The following ADRM1 variants were observed in gnomAD, a reference collection of about 807,000 sequenced individuals.
ADRM1 encodes ADRM1 26S proteasome ubiquitin receptor.
ADRM1 carries 2 observed loss-of-function variants against 40.1 expected under a neutral mutation model. The observed-to-expected ratio is 0.05, with a 90% confidence interval of 0.02 to 0.16. The LOEUF (loss-of-function observed/expected upper bound fraction) is 0.16. Ranked by LOEUF, ADRM1 falls within the 10% of genes least tolerant of loss-of-function variation. The pLI, the probability that ADRM1 is intolerant of heterozygous loss-of-function variation, is 1.00. For synonymous variants in ADRM1, 287 were observed against 240.4 expected, an observed-to-expected ratio of 1.19 and a Z score of -1.79; for missense variants, 467 against 552.5, an observed-to-expected ratio of 0.85 and a Z score of 1.55.
chr20:62,306,806 T>TAAAGG, intron 5 of ADRM1, 72 bp downstream of exon 5: 1 of 1,376,756 alleles, frequency 7.3e-7, no homozygotes, highest in Non-Finnish European at 9.9e-7. Flanking sequence ...CTGTTTCCTT[T>TAAAGG]AAACTTCTGC....
chr20:62,306,389 C>T (rs1447089995), intron 4 of ADRM1, 69 bp downstream of exon 4: 1 of 1,606,556 alleles, frequency 6.2e-7, no homozygotes, highest in Non-Finnish European at 8.5e-7. Context: ...GGATGACTCG[C>T]CCCCTCAGCA....
rs762417497 is a variant in ADRM1 at position 62,303,620 on chromosome 20, G to A, written c.52G>A (p.Ala18Thr). 19 of 1,605,832 alleles carry A rather than the reference G, an allele frequency of 1.2e-5. No individual in the cohort carries two copies. Among genetic ancestry groups the A allele is most frequent in the South Asian group, 2.2e-5 (2 of 91,038 alleles). The stretch of plus-strand genomic sequence containing the variant: ...AAGCCTGGTGCCAGGCTCTCGGGGC[G>A]CCTCCAACAAGTACTTGGTGGAGTT... ...FPSLVPGSRG[A>T]SNKYLVEFRA... is the part of the protein sequence containing the mutation. Residue 18 changes from alanine (A) to threonine (T), a missense_variant, in exon 2 of 10, where the codon GCC (alanine) becomes ACC (threonine). This residue lies in a region of ADRM1 where 33 missense variants were observed against 28.8 expected (regional missense o/e 1.15). Transcript: ENST00000253003.
intron 4 of ADRM1, 86 bp downstream of exon 4, chr20:62,306,406 G>A (rs1984969206): frequency 5.0e-6 from 8 of 1,600,258 alleles, no homozygotes; most frequent in Non-Finnish European, 5.1e-6. Context: ...AGCACAGGTT[G>A]TTTGGAAGTG....
Position 62,306,258 on chromosome 20 carries a change from C to A in ADRM1, c.392C>A (p.Pro131His). ...AAAGTCAACGAGTATCTGAACAACC[C>A]CCCGATGCCTGGGGCGCTGGGGGCC... ...CRKVNEYLNN[P>H]PMPGALGASG... Residue 131 changes from proline to histidine, a missense_variant, in exon 4 of 10, where the codon CCC becomes CAC. Physicochemically the swap from Pro to His is moderately conservative, Grantham distance 77. Transcript: ENST00000253003. 6.2e-7 allele frequency: 1 copy of A among 1,613,200 alleles called. No individual in the cohort carries two copies. Among genetic ancestry groups the A allele is most frequent in the Non-Finnish European group, 8.5e-7 (1 of 1,179,920 alleles).
chr20:62,307,384 CCT>C lies in ADRM1; in HGVS notation c.556_557del (p.Leu186AspfsTer55). ...TGCCCCTCGCAGGTGGGCTGGGGGC[CCT>C]GACTGGACCTGGCCTGGCCAGCTTA... ...GLGGLGGLGA[L>X]TGPGLASLLG... On this transcript the variant is annotated frameshift_variant, in exon 6 of 10. Coordinates refer to ENST00000253003, the MANE Select transcript of ADRM1 (RefSeq NM_007002.4). LOFTEE classifies it high-confidence loss of function. The C allele has an allele frequency of 6.2e-7, 1 of 1,600,738 alleles. No homozygotes were observed. The highest frequency in any genetic ancestry group is 8.5e-7 in the Non-Finnish European group (1 of 1,176,388).
chr20:62,303,481 T>A (rs1984418331), intron 1 of ADRM1, 87 bp from the exon 2 acceptor site: 1 of 1,381,984 alleles, frequency 7.2e-7, no homozygotes. Context: ...GCAGGCCCCC[T>A]GCTCGCAAAC....
intron 3 of ADRM1, chr20:62,305,561 T>C (rs1984798041): frequency 6.6e-6 from 1 of 152,162 alleles, no homozygotes; most frequent in African/African-American, 2.4e-5. Context: ...CTCCCTTTTT[T>C]CCCCGATTTT....
Position 62,304,418 on chromosome 20 carries a change from A to G in ADRM1, c.214-43A>G, listed in dbSNP as rs1984588228. 6 of 1,525,666 alleles carry G rather than the reference A, an allele frequency of 3.9e-6. No homozygotes were observed. In the Middle Eastern group the frequency reaches 5.2e-4, roughly 131 times the overall value. 94.5% of individuals were successfully genotyped at this position (1,525,666 alleles called of 1,614,324 possible). On this transcript the variant is annotated intron_variant, in intron 2 of 9. Coordinates refer to ENST00000253003, the MANE Select transcript of ADRM1 (RefSeq NM_007002.4). ...CGCTCTCCTGAGACTGGGCACAGTG[A>G]TGCCATCTGCGCCACTGACTCTCTC...
intron 3 of ADRM1, chr20:62,305,938 T>G: frequency 4.5e-6 from 2 of 449,160 alleles, no homozygotes; most frequent in Non-Finnish European, 4.1e-6. Context: ...GGCTCCCCAT[T>G]TGTGAAATGG....
rs1395214693 is a variant in ADRM1 at position 62,307,394 on chromosome 20, C to T, written c.565C>T (p.Pro189Ser). The T allele has an allele frequency of 3.7e-6, 6 of 1,602,586 alleles. No individual in the cohort carries two copies. Among genetic ancestry groups the T allele is most frequent in the Admixed American group, 1.8e-5 (1 of 56,618 alleles). Residue 189 changes from proline (P) to serine (S), a missense_variant, in exon 6 of 10, where the codon CCT becomes TCT. Physicochemically the swap from Pro to Ser is moderately conservative, Grantham distance 74. This residue lies in a region of ADRM1 where 418 missense variants were observed against 474.6 expected (regional missense o/e 0.88). Transcript: ENST00000253003. Reference protein sequence around the residue: ...GLGGLGALTGPGLASLLGSSG... With the variant: ...GLGGLGALTGSGLASLLGSSG... Reference sequence around the variant, plus strand: ...AGGTGGGCTGGGGGCCCTGACTGGACCTGGCCTGGCCAGCTTACTGGGGAG... The same window carrying T: ...AGGTGGGCTGGGGGCCCTGACTGGATCTGGCCTGGCCAGCTTACTGGGGAG...
chr20:62,308,252 C>T (rs913664665), intron 8 of ADRM1, 74 bp downstream of exon 8: 93 of 1,542,202 alleles, frequency 6.0e-5, no homozygotes, highest in Admixed American at 5.6e-4. Flanking sequence ...GGCCCTGCCC[C>T]ACCTTCACCA....
In ADRM1 at chr20:62,306,178, C is replaced by A. The variant is rs552996490; in HGVS notation, c.331-19C>A. On this transcript the variant is annotated intron_variant, in intron 3 of 9. Coordinates refer to ENST00000253003, the MANE Select transcript of ADRM1 (RefSeq NM_007002.4). Reference sequence around the variant, plus strand: ...GAGCTGGCGCCAGCTCCTGCCCTTACATGCCCTTCCTCTTGCAGGAACCCA... The same window carrying A: ...GAGCTGGCGCCAGCTCCTGCCCTTAAATGCCCTTCCTCTTGCAGGAACCCA... The A allele has an allele frequency of 5.6e-6, 9 of 1,603,490 alleles. No homozygotes were observed. The highest frequency in any genetic ancestry group is 1.7e-4 in the Middle Eastern group (1 of 6,024).
At chr20:62,303,336 C>G (rs1601225338) in intron 1 of ADRM1, 1 of 431,956 alleles carries the variant, frequency 2.3e-6, no homozygotes, top group Non-Finnish European at 4.1e-6. Context: ...CGGCGTCAAG[C>G]CTAGGGCCGG....
At chr20:62,308,600 A>G (rs1985540591) in intron 9 of ADRM1, 55 bp from the exon 10 acceptor site, 1 of 1,602,078 alleles carries the variant, frequency 6.2e-7, no homozygotes, top group Admixed American at 1.7e-5. Flanking sequence ...CATCGCTTTG[A>G]TCCCCAGTTC....
chr20:62,306,852 T>TC, intron 5 of ADRM1, 118 bp downstream of exon 5: 2 of 1,012,886 alleles, frequency 2.0e-6, no homozygotes, highest in Non-Finnish European at 2.8e-6. Flanking sequence ...AGCCTGTGTG[T>TC]CCGCAAGCTG....
intron 1 of ADRM1, 160 bp from the exon 2 acceptor site, chr20:62,303,408 T>C: frequency 1.4e-6 from 1 of 705,682 alleles, no homozygotes; most frequent in South Asian, 1.9e-5. Flanking sequence ...GCGATCGTCG[T>C]GAGCGGGGCA....
intron 3 of ADRM1, 82 bp downstream of exon 3, chr20:62,304,659 C>A: frequency 7.1e-7 from 1 of 1,402,004 alleles, no homozygotes; most frequent in Non-Finnish European, 1.0e-6. Flanking sequence ...GTGCAATTGG[C>A]TTTTATAAAC....
Position 62,308,856 on chromosome 20 carries a change from C to A in ADRM1, c.*95C>A. The A allele has an allele frequency of 6.6e-7, 1 of 1,512,192 alleles. No individual in the cohort carries two copies. The highest frequency in any genetic ancestry group is 2.4e-5 in the East Asian group (1 of 41,120). 93.7% of individuals were successfully genotyped at this position (1,512,192 alleles called of 1,614,324 possible). A position where few individuals can be genotyped will look rare whatever the true frequency, so the allele number is the denominator to read the frequency against. ...TTATTAATAAAGTCTTTTCTTTTACCTGCCAATGCTTAGTTTCTTTGCCCA... is the reference window on the plus strand; with the variant it reads ...TTATTAATAAAGTCTTTTCTTTTACATGCCAATGCTTAGTTTCTTTGCCCA... On this transcript the variant is annotated 3_prime_UTR_variant, in exon 10 of 10. Coordinates refer to ENST00000253003, the MANE Select transcript of ADRM1 (RefSeq NM_007002.4).
intron 1 of ADRM1, 134 bp from the exon 2 acceptor site, chr20:62,303,434 C>T (rs1984407459): frequency 1.1e-6 from 1 of 884,792 alleles, no homozygotes; most frequent in Non-Finnish European, 1.7e-6. Context: ...GGAAAGGCAG[C>T]CCGGCGTGTC....
Sources: allele counts gnomAD v4.1 joint callset, GRCh38; gene constraint gnomAD v4.1.1; regional missense constraint gnomAD v4.1.1; transcripts MANE v1.5; gene names NCBI Gene and HGNC (gene_info 2026-07-23, HGNC 2026-07-21).